CNTN6: variants seen among roughly 807,000 people sequenced by gnomAD.
CNTN6 encodes the protein contactin 6.
Under a neutral mutation model 122.8 loss-of-function variants are expected in CNTN6, and 137 were observed. The ratio of observed to expected loss-of-function variants is 1.12; its 90% confidence interval spans 0.97 to 1.29. CNTN6 has a LOEUF of 1.29. CNTN6 is among the 50% of genes most tolerant of loss of function. The pLI is 0.00. For synonymous variants in CNTN6, 570 were observed against 426.0 expected, an observed-to-expected ratio of 1.34 and a Z score of -4.16; for missense variants, 1,634 against 1,223.4, an observed-to-expected ratio of 1.34 and a Z score of -5.01.
intron 7 of CNTN6, among the ~76,000 whole-genome samples, chr3:1,303,378 C>T (rs575161181): frequency 1.2e-4 from 18 of 152,218 alleles, no homozygotes; most frequent in African/African-American, 3.9e-4. Flanking sequence ...AAAGGAACTT[C>T]AATAACTAAA....
intron 20 of CNTN6, among the ~76,000 whole-genome samples, chr3:1,398,556 C>G (rs1695269067): frequency 6.6e-6 from 1 of 152,104 alleles, no homozygotes; most frequent in Admixed American, 6.6e-5. Flanking sequence ...CCACTTCGAA[C>G]ACAACTGAAA....
At chr3:1,351,052 TA>T (rs1157975375) in intron 11 of CNTN6, among the ~76,000 whole-genome samples, 1 of 151,824 alleles carries the variant, frequency 6.6e-6, no homozygotes, top group African/African-American at 2.4e-5. Context: ...ATAATGACTT[TA>T]AAAAATCTGA....
At position 1,404,008 on chromosome 3, in the gene CNTN6, G is replaced by A. The variant is rs1307625848; in HGVS notation, c.*590G>A. On this transcript the variant is annotated 3_prime_UTR_variant, in exon 23 of 23. Coordinates refer to ENST00000446702, the MANE Select transcript of CNTN6 (RefSeq NM_001289080.2). ...AGAAGATTCAGTCACAATAAAGGCAGAAAAAGTATTTTATGGCAAAGAAAA... is the reference window on the plus strand; with the variant it reads ...AGAAGATTCAGTCACAATAAAGGCAAAAAAAGTATTTTATGGCAAAGAAAA... 3 of 151,982 alleles carry A rather than the reference G, an allele frequency of 2.0e-5. No homozygotes were observed. The highest frequency in any genetic ancestry group is 7.2e-5 in the African/African-American group (3 of 41,400). The allele number at this position is 151,982 out of a possible 1,614,324, so 9.4% of individuals were successfully genotyped here.
Position 1,301,412 on chromosome 3 carries a change from ACT to A in CNTN6, c.761+3425_761+3426del, listed in dbSNP as rs1304624528. 9.2e-5 allele frequency among the ~76,000 whole-genome samples: 14 copies of A among 152,078 alleles called. No homozygotes were observed. The East Asian group carries it at 2.3e-3, about 25-fold the overall frequency. ...AGTTGGAAAATTAATAGTTTAAAAA[ACT>A]CTCAAAATGTAAAATCTGATGTGTA... is the stretch of plus-strand genomic sequence containing the variant. On this transcript the variant is annotated intron_variant, in intron 7 of 22. Coordinates refer to ENST00000446702, the MANE Select transcript of CNTN6 (RefSeq NM_001289080.2).
intron 4 of CNTN6, among the ~76,000 whole-genome samples, chr3:1,263,240 C>T (rs769344624): frequency 6.6e-6 from 1 of 152,130 alleles, no homozygotes; most frequent in Non-Finnish European, 1.5e-5. Flanking sequence ...TAAATCCAAG[C>T]ACTTCATTCA....
chr3:1,343,377 C>T (rs1359417332), intron 11 of CNTN6, among the ~76,000 whole-genome samples: 3 of 152,102 alleles, frequency 2.0e-5, no homozygotes, highest in Non-Finnish European at 2.9e-5. Context: ...AACTTTTGTA[C>T]TGCTTTAAGG....
chr3:1,238,932 ACT>A lies in CNTN6; in HGVS notation c.358+10942_358+10943del, dbSNP rs375019269. On this transcript the variant is annotated intron_variant, in intron 4 of 22. Coordinates refer to ENST00000446702, the MANE Select transcript of CNTN6 (RefSeq NM_001289080.2). ...AAAAGAAGAGAGAAGATCCAAATAA[ACT>A]CTATTAGAAATGAAGCGGGAGATAT... Among the ~76,000 whole-genome samples, 519 of 152,218 alleles carry A rather than the reference ACT, an allele frequency of 3.4e-3. 4 individuals are homozygous for A. Among genetic ancestry groups the A allele is most frequent in the African/African-American group, 0.012 (489 of 41,540 alleles).
At chr3:1,107,367 C>A (rs2091275143) in intron 1 of CNTN6, among the ~76,000 whole-genome samples, 2 of 151,992 alleles carry the variant, frequency 1.3e-5, no homozygotes, top group African/African-American at 4.8e-5. Context: ...TAAGTTGGTT[C>A]AATTCTATAG....
At chr3:1,160,099 A>G (rs1340675690) in intron 2 of CNTN6, among the ~76,000 whole-genome samples, 2 of 152,066 alleles carry the variant, frequency 1.3e-5, no homozygotes, top group Non-Finnish European at 2.9e-5. Flanking sequence ...GATTACAGAC[A>G]TCAGCCACCA....
intron 11 of CNTN6, among the ~76,000 whole-genome samples, chr3:1,343,413 A>G (rs1704179478): frequency 1.3e-5 from 2 of 152,132 alleles, no homozygotes; most frequent in African/African-American, 4.8e-5. Flanking sequence ...ACAGAAAGTC[A>G]CTTCAATGAT....
At chr3:1,181,443 T>G (rs1020290728) in intron 2 of CNTN6, among the ~76,000 whole-genome samples, 1 of 152,192 alleles carries the variant, frequency 6.6e-6, no homozygotes, top group Non-Finnish European at 1.5e-5. Context: ...GTTTTTTTGT[T>G]ATTTCATCCT....
At chr3:1,164,103 C>A (rs181914696) in intron 2 of CNTN6, among the ~76,000 whole-genome samples, 226 of 152,292 alleles carry the variant, frequency 1.5e-3, no homozygotes, top group African/African-American at 5.1e-3. Flanking sequence ...TCTGTGAAAG[C>A]TGCATGTAAG....
intron 2 of CNTN6, among the ~76,000 whole-genome samples, chr3:1,197,222 C>G (rs981119797): frequency 2.4e-4 from 36 of 152,140 alleles, no homozygotes; most frequent in African/African-American, 7.7e-4. Context: ...TCATCTCTCA[C>G]CCATCTGCAA....
rs114271213 is a variant in CNTN6 at position 1,146,082 on chromosome 3, C to G, written c.-82-1845C>G. ...TTCCTTTCTTGTACTACAAAAGTAGCCTTTAATTACTCTGTATAATTCCAG... is the reference window on the plus strand; with the variant it reads ...TTCCTTTCTTGTACTACAAAAGTAGGCTTTAATTACTCTGTATAATTCCAG... On this transcript the variant is annotated intron_variant, in intron 1 of 22. Coordinates refer to ENST00000446702, the MANE Select transcript of CNTN6 (RefSeq NM_001289080.2). 8.2e-3 allele frequency among the ~76,000 whole-genome samples: 1,242 copies of G among 152,072 alleles called. 15 individuals are homozygous for G. The highest frequency in any genetic ancestry group is 0.028 in the African/African-American group (1,172 of 41,492).
chr3:1,129,745 T>C (rs1208201965), intron 1 of CNTN6, among the ~76,000 whole-genome samples: 1 of 152,124 alleles, frequency 6.6e-6, no homozygotes, highest in African/African-American at 2.4e-5. Context: ...GGCACATGTC[T>C]ATAACTGAAA....
intron 2 of CNTN6, among the ~76,000 whole-genome samples, chr3:1,198,151 C>T (rs1252742985): frequency 6.6e-6 from 1 of 152,028 alleles, no homozygotes; most frequent in Admixed American, 6.6e-5. Context: ...CAGTATTTCC[C>T]CATCATCTCT....
intron 12 of CNTN6, among the ~76,000 whole-genome samples, chr3:1,354,483 T>A (rs1201653198): frequency 6.6e-6 from 1 of 151,480 alleles, no homozygotes; most frequent in African/African-American, 2.4e-5. Flanking sequence ...CTTAATCAGT[T>A]CCACTCTTTC....
intron 2 of CNTN6, among the ~76,000 whole-genome samples, chr3:1,177,048 A>G (rs1470842338): frequency 6.6e-6 from 1 of 152,196 alleles, no homozygotes; most frequent in African/African-American, 2.4e-5. Flanking sequence ...TTTTCTTGCC[A>G]TAATGTTTAA....
intron 1 of CNTN6, among the ~76,000 whole-genome samples, chr3:1,113,809 A>C (rs1200192190): frequency 2.0e-5 from 3 of 152,144 alleles, no homozygotes; most frequent in Non-Finnish European, 4.4e-5. Context: ...ATTCATGAAT[A>C]CTCATATATA....
Sources: allele counts gnomAD v4.1 joint callset (sites outside exome capture counted in the v4.1 genomes callset), GRCh38; gene constraint gnomAD v4.1.1; transcripts MANE v1.5; gene names NCBI Gene and HGNC (gene_info 2026-07-23, HGNC 2026-07-21).